The following FLNB variants were observed in gnomAD, a reference collection of about 807,000 sequenced individuals.
FLNB encodes filamin-B.
Under a neutral mutation model 250.6 loss-of-function variants are expected in FLNB, and 111 were observed. The observed-to-expected ratio is 0.44, with a 90% confidence interval of 0.38 to 0.52. The LOEUF (loss-of-function observed/expected upper bound fraction) is 0.52, where lower values mean the gene tolerates loss of function less well. FLNB is among the 20% of genes least tolerant of loss of function. The pLI is 0.00. For missense variants in FLNB, 2,869 were observed against 3,447.8 expected (o/e 0.83, Z 4.20); for synonymous variants, 1,302 against 1,372.1 (o/e 0.95, Z 1.13).
At chr3:58,027,244 C>G (rs1445533987) in intron 1 of FLNB, among the ~76,000 whole-genome samples, 2 of 152,008 alleles carry the variant, frequency 1.3e-5, no homozygotes, top group Non-Finnish European at 1.5e-5. Flanking sequence ...CCTCCGCCTC[C>G]CAGGTTCAAG....
In FLNB at chr3:58,154,544, CA is replaced by C. The variant is rs71625606; in HGVS notation, c.6635-230del. ...TGGGCAGCAGAGCAAGACTCCGTCT[CA>C]AAAAAAAAAAAAAAAAGACATGTCT... is the stretch of plus-strand genomic sequence containing the variant. On this transcript the variant is annotated intron_variant, in intron 39 of 45. Coordinates refer to ENST00000295956, the MANE Select transcript of FLNB (RefSeq NM_001457.4). The C allele has an allele frequency of 0.24, 71,070 of 293,648 alleles. 864 individuals carry two copies. The highest frequency in any genetic ancestry group is 0.25 in the Non-Finnish European group (40,372 of 162,056). 18.2% of individuals were successfully genotyped at this position (293,648 alleles called of 1,614,324 possible).
rs892918245 is a variant in FLNB, at chr3:58,153,062, G to A, written c.6368-313G>A. Among the ~76,000 whole-genome samples the A allele has an allele frequency of 1.3e-5, 2 of 152,232 alleles. 1 individual carries two copies. Among genetic ancestry groups the A allele is most frequent in the African/African-American group, 4.8e-5 (2 of 41,458 alleles). On this transcript the variant is annotated intron_variant, in intron 38 of 45. Coordinates refer to ENST00000295956, the MANE Select transcript of FLNB (RefSeq NM_001457.4). Reference sequence around the variant, plus strand: ...AAAAGAAATGCCAAAGCTTCTTGACGGTAAAGGATGATGGCTCTTGTTTTC... The same window carrying A: ...AAAAGAAATGCCAAAGCTTCTTGACAGTAAAGGATGATGGCTCTTGTTTTC...
Position 58,164,843 on chromosome 3 carries a change from C to G in FLNB, c.7198+1513C>G, listed in dbSNP as rs889003410. 3 of 152,612 alleles carry G rather than the reference C, an allele frequency of 2.0e-5. No individual in the cohort carries two copies. Among genetic ancestry groups the G allele is most frequent in the African/African-American group, 7.2e-5 (3 of 41,476 alleles). 9.5% of individuals were successfully genotyped at this position (152,612 alleles called of 1,614,324 possible). A position where few individuals can be genotyped will look rare whatever the true frequency, so the allele number is the denominator to read the frequency against. The stretch of plus-strand genomic sequence containing the variant: ...AGTCACTCCCCAAACAACACTCCCC[C>G]AAAAAGCAGTCAGCTGGGAGGAGGC... On this transcript the variant is annotated intron_variant, in intron 43 of 45. Coordinates refer to ENST00000295956, the MANE Select transcript of FLNB (RefSeq NM_001457.4). This position sits in a 1 kb window ranked among gnomAD's most constrained non-coding sequence, Gnocchi z 4.0.
Position 58,097,877 on chromosome 3 carries a change from G to C in FLNB, c.1047G>C (p.Lys349Asn). The change falls in exon 7 of 46, where the codon AAG becomes AAC. Residue 349 changes from lysine (K) to asparagine (N), a missense_variant. Lys to Asn is a moderately conservative substitution (Grantham distance 94). Coordinates refer to ENST00000295956, the MANE Select transcript of FLNB (RefSeq NM_001457.4). ...GCCCATTTGAAGTGAGTGTTGACAA[G>C]GCCCAGGGAGATGCCAGTAAAGTCA... ...SKSPFEVSVD[K>N]AQGDASKVTA... 4 of 1,614,152 alleles carry C rather than the reference G, an allele frequency of 2.5e-6. No homozygotes were observed. Among genetic ancestry groups the C allele is most frequent in the Non-Finnish European group, 3.4e-6 (4 of 1,180,020 alleles).
At chr3:58,070,941 C>A (rs1311110121) in intron 1 of FLNB, among the ~76,000 whole-genome samples, 1 of 150,332 alleles carries the variant, frequency 6.7e-6, no homozygotes, top group South Asian at 2.1e-4. Context: ...CTCTTGCTCT[C>A]TCTCTCTCTT....
intron 18 of FLNB, among the ~76,000 whole-genome samples, chr3:58,117,049 T>C (rs2097279337): frequency 6.6e-6 from 1 of 152,150 alleles, no homozygotes; most frequent in South Asian, 2.1e-4. Flanking sequence ...GTCTGGTCAG[T>C]GTCTTGTGTA....
chr3:58,096,002 C>A, intron 5 of FLNB, 139 bp from the exon 6 acceptor site: 4 of 704,118 alleles, frequency 5.7e-6, no homozygotes, highest in Non-Finnish European at 1.0e-5. Context: ...TCTCTAGGGG[C>A]GTTGTGCAAG....
intron 41 of FLNB, 103 bp from the exon 42 acceptor site, chr3:58,159,451 T>C: frequency 2.6e-6 from 3 of 1,173,918 alleles, no homozygotes; most frequent in South Asian, 1.2e-5. Flanking sequence ...TAGAAAAACC[T>C]ATTTGCATGA....
At chr3:58,121,182 G>C in intron 19 of FLNB, 59 bp from the exon 20 acceptor site, 1 of 1,611,616 alleles carries the variant, frequency 6.2e-7, no homozygotes, top group South Asian at 1.1e-5. Flanking sequence ...CTGTGCTCTG[G>C]ATTGTTCCTG....
Position 58,098,707 on chromosome 3 carries a change from G to T in FLNB, c.1148-4G>T, listed in dbSNP as rs771120650. ...GGGCTCATGGAATGCTTGCTTTCTT[G>T]TAGGAGCTGGTGTGGGTGACATTGG... On this transcript the variant is annotated splice_region_variant and splice_polypyrimidine_tract_variant and intron_variant, in intron 7 of 45. Transcript: ENST00000295956. The T allele has an allele frequency of 6.2e-7, 1 of 1,614,100 alleles. No homozygotes were observed.
In FLNB at chr3:58,168,447, G is replaced by A; in HGVS notation, c.7206G>A (p.Gln2402=). The A allele has an allele frequency of 2.5e-6, 4 of 1,613,390 alleles. No homozygotes were observed. The highest frequency in any genetic ancestry group is 3.4e-6 in the Non-Finnish European group (4 of 1,179,318). Residue 2402 remains glutamine (Q), a synonymous_variant, in exon 44 of 46, where the codon CAG becomes CAA. Coordinates refer to ENST00000295956, the MANE Select transcript of FLNB (RefSeq NM_001457.4). ...TCTATTCCTTTCTCCCAGGTATCCA[G>A]TCGGAATTCTTTATTAACACCACCC... ...TGLEGGTTGI[Q]SEFFINTTRA... is the part of the protein sequence containing the mutation.
chr3:58,106,819 C>T lies in FLNB; in HGVS notation c.1887C>T (p.Asp629=), dbSNP rs377324244. Residue 629 remains aspartate, a synonymous_variant, in exon 12 of 46, where the codon GAC becomes GAT. Coordinates refer to ENST00000295956, the MANE Select transcript of FLNB (RefSeq NM_001457.4). ...TGTGTGACGACGAAGACATCAAGGA[C>T]AGCCCGTACATGGCCTTCATCCACC... is the stretch of plus-strand genomic sequence containing the variant. ...HIMCDDEDIK[D]SPYMAFIHPA... is the part of the protein sequence containing the mutation. 24 of 1,613,992 alleles carry T rather than the reference C, an allele frequency of 1.5e-5. No individual in the cohort carries two copies. The highest frequency in any genetic ancestry group is 1.9e-5 in the Non-Finnish European group (23 of 1,180,030).
chr3:58,154,788 C>T lies in FLNB; in HGVS notation c.6635-3C>T, dbSNP rs980492661. The T allele has an allele frequency of 8.1e-6, 13 of 1,613,922 alleles. No individual in the cohort carries two copies. The highest frequency in any genetic ancestry group is 1.1e-5 in the Non-Finnish European group (13 of 1,179,978). On this transcript the variant is annotated splice_region_variant and splice_polypyrimidine_tract_variant and intron_variant, in intron 39 of 45. Coordinates refer to ENST00000295956, the MANE Select transcript of FLNB (RefSeq NM_001457.4). ...CACTAACCAGGTTTCTCTTTGCTCT[C>T]AGCTGAGTTCAGCATTTGGACCCGG...
In FLNB at chr3:58,111,878, G is replaced by T. The variant is rs751338334; in HGVS notation, c.2572G>T (p.Ala858Ser). The T allele has an allele frequency of 9.9e-6, 16 of 1,613,556 alleles. No individual in the cohort carries two copies. The Admixed American group carries it at 2.7e-4, about 27-fold the overall frequency. ...VKAEGPGLSKAGVENGKPTHF... is the reference protein window; with the variant it reads ...VKAEGPGLSKSGVENGKPTHF... ...GGCAGAAGGCCCAGGGCTCAGCAAA[G>T]CAGGTAAGATGGCACGTCTAGGTTG... is the stretch of plus-strand genomic sequence containing the variant. Residue 858 changes from alanine to serine, a missense_variant, in exon 17 of 46, where the codon GCA becomes TCA. Transcript: ENST00000295956.
At chr3:58,120,520 C>G (rs1457744840) in intron 19 of FLNB, among the ~76,000 whole-genome samples, 2 of 152,220 alleles carry the variant, frequency 1.3e-5, no homozygotes, top group Non-Finnish European at 2.9e-5. Flanking sequence ...CTGTTCTTGT[C>G]TAATCTAACA....
intron 1 of FLNB, among the ~76,000 whole-genome samples, chr3:58,011,011 T>C (rs1424274758): frequency 2.0e-5 from 3 of 151,896 alleles, no homozygotes; most frequent in African/African-American, 7.3e-5. Flanking sequence ...ACCTCCCGGG[T>C]TCAAGCGATT....
chr3:58,046,455 G>GTTT (rs34935660), intron 1 of FLNB, among the ~76,000 whole-genome samples: 2 of 144,186 alleles, frequency 1.4e-5, no homozygotes, highest in Non-Finnish European at 1.5e-5. Context: ...TTTTAGAATT[G>GTTT]TTTTTTTTTT....
chr3:58,062,290 A>G (rs1202032825), intron 1 of FLNB, among the ~76,000 whole-genome samples: 3 of 152,140 alleles, frequency 2.0e-5, no homozygotes, highest in African/African-American at 4.8e-5. Flanking sequence ...CTTTTCTACA[A>G]ATTATCCCCT....
intron 9 of FLNB, 124 bp from the exon 10 acceptor site, chr3:58,103,835 C>A: frequency 8.7e-7 from 1 of 1,155,734 alleles, no homozygotes; most frequent in Non-Finnish European, 1.3e-6. Context: ...TCTGGGGCAG[C>A]CCACTTGGTT....
Sources: allele counts gnomAD v4.1 joint callset (sites outside exome capture counted in the v4.1 genomes callset), GRCh38; gene constraint gnomAD v4.1.1; non-coding constraint Gnocchi (gnomAD v3.1); transcripts MANE v1.5; gene names NCBI Gene and HGNC (gene_info 2026-07-23, HGNC 2026-07-21).